TM4SF20: variants seen among roughly 807,000 people sequenced by gnomAD.
TM4SF20 encodes the protein transmembrane 4 L six family member 20, also known as transmembrane 4 L6 family member 20.
TM4SF20 carries 13 observed loss-of-function variants against 15.1 expected under a neutral mutation model. The ratio of observed to expected loss-of-function variants is 0.86; its 90% CI spans 0.56 to 1.36. The LOEUF is 1.36. Among genes scored for constraint, TM4SF20 ranks in the 40% most tolerant of loss-of-function variants. The probability of loss-of-function intolerance (pLI) is 0.00; values close to 1 mark genes in which losing one functional copy is unlikely to be tolerated. For missense variants in TM4SF20, 282 were observed against 268.4 expected (o/e 1.05, Z -0.35); for synonymous variants, 92 against 96.6 (o/e 0.95, Z 0.28).
intron 2 of TM4SF20, among the ~76,000 whole-genome samples, chr2:227,368,019 AT>A (rs1226126996): frequency 4.1e-4 from 49 of 120,540 alleles, no homozygotes; most frequent in Middle Eastern, 4.9e-3. Context: ...TTAACCATCT[AT>A]TTTTTTTTTT....
At chr2:227,364,922 T>G (rs1434168075) in intron 3 of TM4SF20, among the ~76,000 whole-genome samples, 4 of 152,204 alleles carry the variant, frequency 2.6e-5, no homozygotes, top group Non-Finnish European at 4.4e-5. Context: ...TCCTTGGCTT[T>G]GTTTTTGAGA....
At position 227,370,922 on chromosome 2, in the gene TM4SF20, CTGT is replaced by C. The variant is rs756913718; in HGVS notation, c.239_241del (p.Asn80del). On this transcript the variant is annotated inframe_deletion, in exon 2 of 4. Coordinates refer to ENST00000304568, the MANE Select transcript of TM4SF20 (RefSeq NM_024795.4). ...CGACTGCTTCATACTTACTCCAGTT[CTGT>C]TGTTGCAGCACGCTCTTTTTCTTGC... 4 of 1,613,840 alleles carry C rather than the reference CTGT, an allele frequency of 2.5e-6. No individual in the cohort carries two copies. Among genetic ancestry groups the C allele is most frequent in the Middle Eastern group, 1.6e-4 (1 of 6,084 alleles).
At chr2:227,380,844 G>A (rs750748949), upstream of TM4SF20, among the ~76,000 whole-genome samples, 4 of 152,152 alleles carry the variant, frequency 2.6e-5, no homozygotes, top group African/African-American at 7.2e-5. Flanking sequence ...TGTGGGGGGC[G>A]CACACAGCCT....
chr2:227,372,472 C>G (rs908822540), intron 1 of TM4SF20, among the ~76,000 whole-genome samples: 33 of 152,012 alleles, frequency 2.2e-4, no homozygotes, highest in African/African-American at 7.7e-4. Flanking sequence ...GAGGAAACCC[C>G]GTCTCTACTA....
chr2:227,379,018 A>G, intron 1 of TM4SF20, 68 bp downstream of exon 1: 1 of 1,507,310 alleles, frequency 6.6e-7, no homozygotes, highest in Non-Finnish European at 9.1e-7. Context: ...AGACTGGAAG[A>G]CAGCTTTTAG....
At position 227,363,673 on chromosome 2, in the gene TM4SF20, ACTT is replaced by A. The variant is rs758269692; in HGVS notation, c.*48_*50del. On this transcript the variant is annotated 3_prime_UTR_variant, in exon 4 of 4. Coordinates refer to ENST00000304568, the MANE Select transcript of TM4SF20 (RefSeq NM_024795.4). ...CAAAGATGACTTTGAAAACAAGTGT[ACTT>A]CTCAAATTAATTCAAACTACTGATA... 1.4e-5 allele frequency: 21 copies of A among 1,526,946 alleles called. No individual in the cohort carries two copies. The highest frequency in any genetic ancestry group is 1.5e-5 in the Non-Finnish European group (17 of 1,132,128). 94.6% of individuals were successfully genotyped at this position (1,526,946 alleles called of 1,614,324 possible).
At chr2:227,367,222 T>G (rs1267972738) in intron 2 of TM4SF20, among the ~76,000 whole-genome samples, 2 of 152,232 alleles carry the variant, frequency 1.3e-5, no homozygotes, top group African/African-American at 4.8e-5. Context: ...AATATCCTCT[T>G]GGGGTGGAGG....
At chr2:227,373,405 A>G (rs1470129664) in intron 1 of TM4SF20, among the ~76,000 whole-genome samples, 1 of 152,228 alleles carries the variant, frequency 6.6e-6, no homozygotes, top group Non-Finnish European at 1.5e-5. Flanking sequence ...AGAAAAGGGA[A>G]AAGAAATTTT....
intron 2 of TM4SF20, 97 bp from the exon 3 acceptor site, chr2:227,366,341 C>T (rs1022755278): frequency 1.2e-5 from 13 of 1,060,600 alleles, no homozygotes; most frequent in Non-Finnish European, 1.8e-5. Flanking sequence ...AATCCAGTCG[C>T]CCTAAAATCC....
chr2:227,370,013 G>A (rs2076412827), intron 2 of TM4SF20, among the ~76,000 whole-genome samples: 1 of 152,154 alleles, frequency 6.6e-6, no homozygotes, highest in South Asian at 2.1e-4. Context: ...GGTTTTGAGA[G>A]AATTAAATGA....
Position 227,363,610 on chromosome 2 carries a change from G to A in TM4SF20, c.*114C>T, listed in dbSNP as rs966338871. On this transcript the variant is annotated 3_prime_UTR_variant, in exon 4 of 4. Transcript: ENST00000304568. The stretch of plus-strand genomic sequence containing the variant: ...TATGAGAGTGTTATGCATTTACAAC[G>A]TGCTTTCTACGTGAAGGGTTGATTT... The A allele has an allele frequency of 7.5e-6, 8 of 1,061,350 alleles. No homozygotes were observed. The African/African-American group carries it at 8.0e-5, about 11-fold the overall frequency. 65.7% of individuals were successfully genotyped at this position (1,061,350 alleles called of 1,614,324 possible).
upstream of TM4SF20, among the ~76,000 whole-genome samples, chr2:227,381,041 G>T (rs1433184437): frequency 2.6e-5 from 4 of 152,144 alleles, no homozygotes; most frequent in Non-Finnish European, 5.9e-5. Flanking sequence ...TTGGGAGGGC[G>T]AGGTGGGAGG....
rs200226111 is a variant in TM4SF20, at chr2:227,364,598, A to G, written c.402-586T>C. 3.9e-5 allele frequency among the ~76,000 whole-genome samples: 6 copies of G among 152,276 alleles called. No individual in the cohort carries two copies. In the East Asian group the frequency reaches 7.7e-4, roughly 20 times the overall value. ...GTTTGTTTACTGTAGAGTAAAATGG[A>G]ATGTTCTTAGGGAGTTTGCATTGCT... On this transcript the variant is annotated intron_variant, in intron 3 of 3. Coordinates refer to ENST00000304568, the MANE Select transcript of TM4SF20 (RefSeq NM_024795.4).
chr2:227,365,477 T>C (rs2076388247), intron 3 of TM4SF20, among the ~76,000 whole-genome samples: 1 of 152,204 alleles, frequency 6.6e-6, no homozygotes, highest in African/African-American at 2.4e-5. Context: ...TAAGTACATG[T>C]AACTCTCCAG....
intron 1 of TM4SF20, among the ~76,000 whole-genome samples, chr2:227,377,744 C>A (rs1048868736): frequency 6.6e-6 from 1 of 152,118 alleles, no homozygotes; most frequent in Non-Finnish European, 1.5e-5. Context: ...ACCGCATGTT[C>A]TCACTTGTAA....
chr2:227,374,758 GAGTAACACACAA>G (rs1309261922), intron 1 of TM4SF20, among the ~76,000 whole-genome samples: 3 of 151,998 alleles, frequency 2.0e-5, no homozygotes, highest in African/African-American at 7.2e-5. Context: ...TTGAACATGA[GAGTAACACACAA>G]AGTCATAGCT....
intron 2 of TM4SF20, 116 bp from the exon 3 acceptor site, chr2:227,366,360 AAG>A: frequency 2.4e-6 from 2 of 827,700 alleles, no homozygotes; most frequent in South Asian, 3.8e-5. Flanking sequence ...CCTGGATCTT[AAG>A]ATCACAGTTT....
intron 3 of TM4SF20, among the ~76,000 whole-genome samples, chr2:227,364,946 T>A (rs1412913410): frequency 6.6e-6 from 1 of 152,248 alleles, no homozygotes; most frequent in Non-Finnish European, 1.5e-5. Context: ...AGTCTCACTC[T>A]GTCACCCAGA....
chr2:227,370,827 G>A (rs1271267353), intron 2 of TM4SF20, 88 bp downstream of exon 2: 3 of 1,039,818 alleles, frequency 2.9e-6, no homozygotes, highest in Non-Finnish European at 4.5e-6. Flanking sequence ...CTGTGATTCG[G>A]TAGATGCGAG....
Sources: allele counts gnomAD v4.1 joint callset (sites outside exome capture counted in the v4.1 genomes callset), GRCh38; gene constraint gnomAD v4.1.1; transcripts MANE v1.5; gene names NCBI Gene and HGNC (gene_info 2026-07-23, HGNC 2026-07-21).